Variants in CCNY observed in about 807,000 individuals in gnomAD.
CCNY encodes cyclin Y.
In CCNY, 19 loss-of-function variants were observed where a neutral mutation model predicts 42.8. The ratio of observed to expected loss-of-function variants is 0.44; its 90% CI spans 0.31 to 0.65. The LOEUF is 0.65. CCNY is among the 30% of genes least tolerant of loss of function. CCNY has a pLI of 0.07. For missense variants in CCNY, 370 were observed against 437.3 expected (o/e 0.85, Z 1.37); for synonymous variants, 165 against 162.7 (o/e 1.01, Z -0.11).
chr10:35,477,170 A>G (rs1328022441), intron 1 of CCNY, among the ~76,000 whole-genome samples: 2 of 152,184 alleles, frequency 1.3e-5, no homozygotes, highest in Non-Finnish European at 2.9e-5. Context: ...AAAAGAGTCC[A>G]GGACCAGATG....
rs12265009 is a variant in CCNY, at chr10:35,499,731, A to G, written c.230-1770A>G. Among the ~76,000 whole-genome samples, 314 of 152,236 alleles carry G rather than the reference A, an allele frequency of 2.1e-3. 2 individuals carry two copies. Among genetic ancestry groups the G allele is most frequent in the African/African-American group, 7.2e-3 (300 of 41,556 alleles). ...ACTTGTGTCTCTTTTGCACAAACCTATCACTGGGTTGCTCTGAGAAGGGTT... is the reference window on the plus strand; with the variant it reads ...ACTTGTGTCTCTTTTGCACAAACCTGTCACTGGGTTGCTCTGAGAAGGGTT... On this transcript the variant is annotated intron_variant, in intron 2 of 9. Transcript: ENST00000374704.
intron 1 of CCNY, among the ~76,000 whole-genome samples, chr10:35,358,099 CTTTTTTGCT>C (rs1836599321): frequency 1.3e-5 from 2 of 152,084 alleles, no homozygotes; most frequent in South Asian, 4.1e-4. Flanking sequence ...GGAAAATGCA[CTTTTTTGCT>C]TTTTTTGCCC....
At chr10:35,326,207 G>C (rs1301911055) in intron 3 of CCNY, among the ~76,000 whole-genome samples, 1 of 152,044 alleles carries the variant, frequency 6.6e-6, no homozygotes, top group African/African-American at 2.4e-5. Flanking sequence ...GAGTGCAGTG[G>C]CACAGTGGAG....
At chr10:35,515,420 C>T (rs1212984069) in intron 3 of CCNY, among the ~76,000 whole-genome samples, 3 of 152,102 alleles carry the variant, frequency 2.0e-5, no homozygotes, top group African/African-American at 7.2e-5. Context: ...TCACATTTTC[C>T]TTACTTTATT....
intron 4 of CCNY, among the ~76,000 whole-genome samples, chr10:35,522,318 G>A (rs1288120841): frequency 1.3e-5 from 2 of 152,194 alleles, no homozygotes; most frequent in African/African-American, 2.4e-5. Flanking sequence ...ACTTATAAAT[G>A]TGGATCCAGA....
chr10:35,469,935 AATGGAGAGACAGACAGGGAG>A (rs1321035408), intron 1 of CCNY, among the ~76,000 whole-genome samples: 16 of 126,878 alleles, frequency 1.3e-4, no homozygotes, highest in South Asian at 2.8e-4. Flanking sequence ...GAGATAGGGC[AATGGAGAGACAGACAGGGAG>A]ATGGAGAGAC....
intron 2 of CCNY, among the ~76,000 whole-genome samples, chr10:35,483,912 T>C (rs1002207280): frequency 2.6e-5 from 4 of 152,206 alleles, no homozygotes; most frequent in African/African-American, 9.7e-5. Context: ...GAACCCATAC[T>C]GTAGGTGCAG....
intron 3 of CCNY, among the ~76,000 whole-genome samples, chr10:35,258,969 C>G (rs1462496361): frequency 2.0e-5 from 3 of 151,004 alleles, no homozygotes; most frequent in Non-Finnish European, 4.4e-5. Context: ...TGCACTGCTG[C>G]CTGCCGTGGG....
At chr10:35,346,842 GTC>G (rs1268465425) in intron 1 of CCNY, among the ~76,000 whole-genome samples, 2 of 152,202 alleles carry the variant, frequency 1.3e-5, no homozygotes, top group Non-Finnish European at 2.9e-5. Context: ...GCCCGGGCTG[GTC>G]TCGAACTCCT....
intron 1 of CCNY, among the ~76,000 whole-genome samples, chr10:35,390,171 A>C (rs1837384251): frequency 6.6e-6 from 1 of 152,246 alleles, no homozygotes; most frequent in African/African-American, 2.4e-5. Context: ...TATCCCATGC[A>C]CTTGTGGCTG....
chr10:35,313,479 T>C (rs1835714019), intron 3 of CCNY, among the ~76,000 whole-genome samples: 1 of 152,200 alleles, frequency 6.6e-6, no homozygotes, highest in African/African-American at 2.4e-5. Context: ...TCAGGCTCTC[T>C]GCAACAAGCA....
chr10:35,572,507 T>C lies in CCNY; in HGVS notation c.*3337T>C, dbSNP rs1457664725. On this transcript the variant is annotated 3_prime_UTR_variant, in exon 10 of 10. Transcript: ENST00000374704. ...GTTGGCCAGGCTGGTCTCAAACTCC[T>C]GACCTCAAGTGATCCACCCCCCTCA... is the stretch of plus-strand genomic sequence containing the variant. 1 of 152,182 alleles carries C rather than the reference T, an allele frequency of 6.6e-6. No individual in the cohort carries two copies. The highest frequency in any genetic ancestry group is 1.5e-5 in the Non-Finnish European group (1 of 68,056). The allele number at this position is 152,182 out of a possible 1,614,324, so 9.4% of individuals were successfully genotyped here.
intron 1 of CCNY, among the ~76,000 whole-genome samples, chr10:35,349,692 TA>T (rs750910525): frequency 2.0e-5 from 3 of 152,174 alleles, no homozygotes; most frequent in Non-Finnish European, 2.9e-5. Flanking sequence ...CTGTTGACAT[TA>T]GGGGGGGCTG....
intron 1 of CCNY, among the ~76,000 whole-genome samples, chr10:35,404,633 T>C (rs1837717749): frequency 6.6e-6 from 1 of 152,014 alleles, no homozygotes; most frequent in Non-Finnish European, 1.5e-5. Context: ...TACCCAAAGC[T>C]TGGCATCCGT....
At chr10:35,465,904 GAA>G (rs1491241407) in intron 1 of CCNY, among the ~76,000 whole-genome samples, 23 of 68,400 alleles carry the variant, frequency 3.4e-4, no homozygotes, top group Admixed American at 2.8e-3. Context: ...AGGGTAGGGG[GAA>G]GAGAGAGAGA....
chr10:35,338,385 G>A (rs1836099772), intron 1 of CCNY, among the ~76,000 whole-genome samples: 1 of 152,200 alleles, frequency 6.6e-6, no homozygotes. Flanking sequence ...GTAACACAAC[G>A]TCTGGTTTCT....
intron 2 of CCNY, among the ~76,000 whole-genome samples, chr10:35,493,067 G>T (rs539111896): frequency 1.3e-4 from 20 of 152,210 alleles, no homozygotes; most frequent in African/African-American, 4.6e-4. Flanking sequence ...TTTGGGTGCC[G>T]TGGCTCACTT....
intron 3 of CCNY, among the ~76,000 whole-genome samples, chr10:35,275,023 G>A (rs976826499): frequency 5.3e-5 from 7 of 133,222 alleles, no homozygotes; most frequent in South Asian, 2.5e-4. Context: ...GTGGCATTGC[G>A]TTCTAGGTAT....
rs1279634834 is a variant in CCNY, at chr10:35,566,156, C to T, written c.880C>T (p.Leu294=). The T allele has an allele frequency of 2.5e-6, 4 of 1,614,168 alleles. No homozygotes were observed. In the Admixed American group the frequency reaches 6.7e-5, roughly 27 times the overall value. Residue 294 remains leucine (L), a synonymous_variant, in exon 9 of 10, where the codon CTG becomes TTG. Coordinates refer to ENST00000374704, the MANE Select transcript of CCNY (RefSeq NM_145012.6). The part of the protein sequence containing the change: ...ANNLSFPLEP[L]SRERAHKLEA... The stretch of plus-strand genomic sequence containing the variant: ...CAACCTGAGCTTTCCCTTGGAGCCC[C>T]TGAGCAGGGAGAGGGCTCACAAGCT...
Sources: gnomAD v4.1 joint callset for allele counts (sites outside exome capture counted in the v4.1 genomes callset) on GRCh38, gnomAD v4.1.1 for gene constraint, MANE v1.5 for transcripts, NCBI Gene and HGNC (gene_info 2026-07-23, HGNC 2026-07-21) for gene names.